KPNA5: variants seen among roughly 807,000 people sequenced by gnomAD.
KPNA5 encodes importin subunit alpha-6.
A neutral mutation model predicts 71.3 loss-of-function variants in KPNA5; 46 were observed. The observed-to-expected ratio is 0.65, with a 90% CI of 0.51 to 0.83. The LOEUF is 0.83. KPNA5 is among the 40% of genes least tolerant of loss of function. The pLI is 0.00. For missense variants in KPNA5, 547 were observed against 628.3 expected, an observed-to-expected ratio of 0.87 and a Z score of 1.38; for synonymous variants, 207 against 201.4, an observed-to-expected ratio of 1.03 and a Z score of -0.24.
chr6:116,733,170 T>C lies in KPNA5; in HGVS notation c.*847T>C, dbSNP rs1272434626. On this transcript the variant is annotated 3_prime_UTR_variant, in exon 14 of 14. Transcript: ENST00000368564. ...ATCATGACAGAGATGTCATCATGAA[T>C]CTAAAGTAGTGCTGCATATCTAAAA... The C allele has an allele frequency of 6.6e-6, 1 of 151,822 alleles. No individual in the cohort carries two copies. The highest frequency in any genetic ancestry group is 1.5e-5 in the Non-Finnish European group (1 of 67,760). 9.4% of individuals were successfully genotyped at this position (151,822 alleles called of 1,614,324 possible).
chr6:116,724,965 C>T (rs1779241637), intron 10 of KPNA5, among the ~76,000 whole-genome samples: 1 of 152,124 alleles, frequency 6.6e-6, no homozygotes, highest in South Asian at 2.1e-4. Flanking sequence ...TTAGATTCTC[C>T]TTTGTTTACC....
intron 5 of KPNA5, among the ~76,000 whole-genome samples, chr6:116,701,806 A>G (rs1041209400): frequency 5.9e-5 from 9 of 152,280 alleles, no homozygotes; most frequent in African/African-American, 2.2e-4. Flanking sequence ...ATTTTTCCAT[A>G]TTAAAGAATA....
chr6:116,700,886 C>T (rs1369369311), intron 5 of KPNA5, among the ~76,000 whole-genome samples: 1 of 152,202 alleles, frequency 6.6e-6, no homozygotes, highest in East Asian at 1.9e-4. Context: ...TGTAGCCACA[C>T]ACTCTAGGTT....
intron 11 of KPNA5, 25 bp downstream of exon 11, chr6:116,725,901 T>C (rs1779270158): frequency 6.2e-7 from 1 of 1,604,500 alleles, no homozygotes; most frequent in Non-Finnish European, 8.5e-7. Flanking sequence ...GATCTGAGAG[T>C]AGAACAGCAA....
intron 7 of KPNA5, among the ~76,000 whole-genome samples, chr6:116,706,814 G>A (rs1778458694): frequency 6.6e-6 from 1 of 152,056 alleles, no homozygotes; most frequent in Non-Finnish European, 1.5e-5. Flanking sequence ...TTAAAAGGAA[G>A]TTAAGTTAGA....
Position 116,725,837 on chromosome 6 carries a change from T to A in KPNA5, c.1086T>A (p.Thr362=), listed in dbSNP as rs764778604. The change falls in exon 11 of 14, where the codon ACT becomes ACA. Residue 362 remains threonine (T), a synonymous_variant. Transcript: ENST00000368564. Reference sequence around the variant, plus strand: ...CAATTAGAAAAGAAGCCTGCTGGACTGTTTCTAACATCACTGCTGGAAATA... The same window carrying A: ...CAATTAGAAAAGAAGCCTGCTGGACAGTTTCTAACATCACTGCTGGAAATA... ...KESIRKEACW[T]VSNITAGNRA... The A allele has an allele frequency of 6.2e-7, 1 of 1,613,448 alleles. No individual in the cohort carries two copies. The highest frequency in any genetic ancestry group is 1.7e-5 in the Admixed American group (1 of 59,940).
At chr6:116,694,691 A>G (rs1363838555) in intron 4 of KPNA5, among the ~76,000 whole-genome samples, 1 of 152,198 alleles carries the variant, frequency 6.6e-6, no homozygotes, top group Non-Finnish European at 1.5e-5. Context: ...TTTAAATGGT[A>G]TCATATCATA....
chr6:116,710,446 C>T (rs189841117), intron 7 of KPNA5, among the ~76,000 whole-genome samples: 200 of 152,010 alleles, frequency 1.3e-3, no homozygotes, highest in African/African-American at 4.1e-3. Flanking sequence ...GGGGTACACG[C>T]GGTGTTTTGA....
intron 8 of KPNA5, among the ~76,000 whole-genome samples, chr6:116,716,847 CAAT>C (rs1312184646): frequency 6.6e-6 from 1 of 151,956 alleles, no homozygotes; most frequent in African/African-American, 2.4e-5. Flanking sequence ...TAAAATGGCA[CAAT>C]GACTCTAGCA....
intron 5 of KPNA5, among the ~76,000 whole-genome samples, chr6:116,699,897 G>A (rs1778165146): frequency 6.6e-6 from 1 of 152,202 alleles, no homozygotes; most frequent in African/African-American, 2.4e-5. Flanking sequence ...CCAAAATTCA[G>A]ATGTTGTCCT....
Position 116,704,662 on chromosome 6 carries a change from C to T in KPNA5, c.568-410C>T, listed in dbSNP as rs1312921597. ...GGAGCAAGGCTCCTTGCAACCTCTGCCTCCTGGGCTCAAGTGATCCTGCCA... is the reference window on the plus strand; with the variant it reads ...GGAGCAAGGCTCCTTGCAACCTCTGTCTCCTGGGCTCAAGTGATCCTGCCA... On this transcript the variant is annotated intron_variant, in intron 6 of 13. Transcript: ENST00000368564. 2.6e-5 allele frequency among the ~76,000 whole-genome samples: 4 copies of T among 152,082 alleles called. No individual in the cohort carries two copies. In the East Asian group the frequency reaches 7.8e-4, roughly 29 times the overall value.
At chr6:116,712,077 G>A (rs1221136932) in intron 7 of KPNA5, among the ~76,000 whole-genome samples, 1 of 152,168 alleles carries the variant, frequency 6.6e-6, no homozygotes, top group Non-Finnish European at 1.5e-5. Flanking sequence ...GAATAGCAGG[G>A]ACCACAGACA....
At chr6:116,724,657 C>T (rs866218679) in intron 10 of KPNA5, among the ~76,000 whole-genome samples, 1 of 152,144 alleles carries the variant, frequency 6.6e-6, no homozygotes, top group South Asian at 2.1e-4. Flanking sequence ...GTGGTGTGAT[C>T]ATGGCTCACT....
At chr6:116,694,903 A>C (rs1777964216) in intron 4 of KPNA5, among the ~76,000 whole-genome samples, 1 of 152,162 alleles carries the variant, frequency 6.6e-6, no homozygotes, top group Non-Finnish European at 1.5e-5. Flanking sequence ...TCCCATCTTC[A>C]GTTTGTACAA....
intron 1 of KPNA5, 170 bp downstream of exon 1, chr6:116,681,508 G>A (rs1253124803): frequency 5.9e-6 from 8 of 1,364,912 alleles, no homozygotes; most frequent in Non-Finnish European, 6.6e-6. Flanking sequence ...CAGCGGTCGC[G>A]GGGGCGTGGC....
At chr6:116,686,465 C>T (rs1467489009) in intron 1 of KPNA5, among the ~76,000 whole-genome samples, 4 of 152,084 alleles carry the variant, frequency 2.6e-5, no homozygotes, top group African/African-American at 7.2e-5. Context: ...TTATCAGATG[C>T]ATAGTTTGCA....
chr6:116,704,769 G>T (rs1483736938), intron 6 of KPNA5, among the ~76,000 whole-genome samples: 1 of 152,058 alleles, frequency 6.6e-6, no homozygotes, highest in African/African-American at 2.4e-5. Context: ...TAGAGACAGA[G>T]TTTTACCATG....
chr6:116,689,742 C>G (rs1408591122), intron 2 of KPNA5, among the ~76,000 whole-genome samples: 1 of 152,110 alleles, frequency 6.6e-6, no homozygotes, highest in East Asian at 1.9e-4. Context: ...TTCCATTTGT[C>G]ATTGTAAAAT....
intron 8 of KPNA5, among the ~76,000 whole-genome samples, chr6:116,718,266 C>CTT (rs555910312): frequency 8.7e-5 from 12 of 138,010 alleles, no homozygotes; most frequent in Non-Finnish European, 1.3e-4. Flanking sequence ...TTTTTTTTTT[C>CTT]TTTTTTTTTT....
Sources: gnomAD v4.1 joint callset for allele counts (sites outside exome capture counted in the v4.1 genomes callset) on GRCh38, gnomAD v4.1.1 for gene constraint, MANE v1.5 for transcripts, NCBI Gene and HGNC (gene_info 2026-07-23, HGNC 2026-07-21) for gene names.